ITPR2: variants seen among roughly 807,000 people sequenced by gnomAD.
ITPR2 encodes inositol 1,4,5-trisphosphate-gated calcium channel ITPR2.
Under a neutral mutation model 317.1 loss-of-function variants are expected in ITPR2, and 207 were observed. The observed-to-expected ratio is 0.65, with a 90% CI of 0.58 to 0.73. ITPR2 has a LOEUF of 0.73. ITPR2 is among the 30% of genes least tolerant of loss of function. The probability of loss-of-function intolerance (pLI) is 0.00; values close to 1 mark genes in which losing one functional copy is unlikely to be tolerated. For synonymous variants in ITPR2, 1,156 were observed against 1,149.1 expected (o/e 1.01, Z -0.12); for missense variants, 2,613 against 3,284.0 (o/e 0.80, Z 4.99).
intron 32 of ITPR2, among the ~76,000 whole-genome samples, chr12:26,584,372 G>A (rs1004994060): frequency 6.6e-6 from 1 of 152,104 alleles, no homozygotes; most frequent in Non-Finnish European, 1.5e-5. Flanking sequence ...ACTCTGTCTT[G>A]TTCACCACTG....
chr12:26,601,914 G>C (rs1016917575), intron 28 of ITPR2, among the ~76,000 whole-genome samples: 3 of 152,172 alleles, frequency 2.0e-5, no homozygotes, highest in Admixed American at 1.3e-4. Context: ...TGCCAAAGAT[G>C]CCTAACTGTA....
chr12:26,538,647 G>A (rs887952418), intron 37 of ITPR2, among the ~76,000 whole-genome samples: 6 of 151,876 alleles, frequency 4.0e-5, no homozygotes, highest in Non-Finnish European at 8.8e-5. Flanking sequence ...CATGATCTCA[G>A]CTCACTGCAA....
chr12:26,481,268 TC>T, intron 42 of ITPR2, 27 bp from the exon 43 acceptor site: 1 of 1,283,162 alleles, frequency 7.8e-7, no homozygotes, highest in Non-Finnish European at 1.1e-6. Context: ...TTGTAAAATA[TC>T]ATTTTATTCA....
intron 9 of ITPR2, among the ~76,000 whole-genome samples, chr12:26,697,092 C>A (rs1266178697): frequency 6.6e-6 from 1 of 152,192 alleles, no homozygotes; most frequent in Non-Finnish European, 1.5e-5. Flanking sequence ...CTTAGTTAAA[C>A]CCAGGTGTGT....
intron 49 of ITPR2, chr12:26,421,339 T>A (rs1056985433): frequency 6.6e-6 from 1 of 152,184 alleles, no homozygotes; most frequent in Non-Finnish European, 1.5e-5. Flanking sequence ...TCACTAAGTC[T>A]TGACGTGGAG....
At chr12:26,772,451 T>TATATATATATATA (rs1949868569) in intron 2 of ITPR2, among the ~76,000 whole-genome samples, 2 of 59,608 alleles carry the variant, frequency 3.4e-5, no homozygotes, top group Non-Finnish European at 8.2e-5. Flanking sequence ...TTATATATAT[T>TATATATATATATA]ATATATATAA....
intron 47 of ITPR2, 103 bp from the exon 48 acceptor site, chr12:26,436,449 A>G (rs1284618382): frequency 6.1e-6 from 6 of 983,726 alleles, no homozygotes; most frequent in Non-Finnish European, 8.9e-6. Flanking sequence ...TCATTTTTGT[A>G]AACTATTATA....
chr12:26,634,431 A>G (rs1946820824), intron 21 of ITPR2, among the ~76,000 whole-genome samples: 1 of 152,252 alleles, frequency 6.6e-6, no homozygotes, highest in Non-Finnish European at 1.5e-5. Context: ...TTTCAGTGAA[A>G]AAGCCTACTA....
intron 2 of ITPR2, among the ~76,000 whole-genome samples, chr12:26,770,119 T>C (rs1441843772): frequency 6.6e-6 from 1 of 152,222 alleles, no homozygotes; most frequent in Non-Finnish European, 1.5e-5. Flanking sequence ...ATCATCCTTT[T>C]CTCCAAAAGT....
At position 26,473,216 on chromosome 12, in the gene ITPR2, T is replaced by C. The variant is rs575851574; in HGVS notation, c.6342+2080A>G. Among the ~76,000 whole-genome samples the C allele has an allele frequency of 8.5e-5, 13 of 152,326 alleles. 1 individual carries two copies. Among genetic ancestry groups the C allele is most frequent in the African/African-American group, 3.1e-4 (13 of 41,574 alleles). ...TCCTCTACTTTTATGCTTAGTCTGCTTCAAACTGAAGTTACCTAACATAAG... is the reference window on the plus strand; with the variant it reads ...TCCTCTACTTTTATGCTTAGTCTGCCTCAAACTGAAGTTACCTAACATAAG... On this transcript the variant is annotated intron_variant, in intron 45 of 56. Transcript: ENST00000381340.
chr12:26,633,810 T>G (rs1451399715), intron 21 of ITPR2, among the ~76,000 whole-genome samples: 1 of 152,226 alleles, frequency 6.6e-6, no homozygotes, highest in African/African-American at 2.4e-5. Flanking sequence ...CTCCAAGAGA[T>G]GCTTTCTCAC....
chr12:26,617,762 G>GGGAGGGAA (rs202184086), intron 26 of ITPR2, among the ~76,000 whole-genome samples: 18,381 of 136,290 alleles, frequency 0.13, 1,719 homozygotes, highest in Admixed American at 0.19. Flanking sequence ...GAAGGAGGGA[G>GGGAGGGAA]GGAGGGAAGG....
At chr12:26,504,529 A>T (rs1943143291) in intron 37 of ITPR2, among the ~76,000 whole-genome samples, 1 of 152,238 alleles carries the variant, frequency 6.6e-6, no homozygotes, top group South Asian at 2.1e-4. Flanking sequence ...TAATCAAAGA[A>T]ATGCTAATAA....
chr12:26,703,555 C>T (rs565717115), intron 9 of ITPR2, among the ~76,000 whole-genome samples: 1 of 152,294 alleles, frequency 6.6e-6, no homozygotes, highest in East Asian at 1.9e-4. Context: ...CTAACTGTGA[C>T]AATAAATAGC....
intron 52 of ITPR2, among the ~76,000 whole-genome samples, chr12:26,410,178 T>C (rs754174153): frequency 5.9e-5 from 9 of 152,114 alleles, no homozygotes; most frequent in Non-Finnish European, 1.2e-4. Context: ...AGGATGCAAA[T>C]AGCAGGATTT....
At chr12:26,637,686 T>C (rs1946892990) in intron 21 of ITPR2, among the ~76,000 whole-genome samples, 1 of 152,186 alleles carries the variant, frequency 6.6e-6, no homozygotes. Flanking sequence ...GCTACACCTC[T>C]GAAAAACAAC....
chr12:26,716,335 T>G, intron 5 of ITPR2, 93 bp from the exon 6 acceptor site: 1 of 728,684 alleles, frequency 1.4e-6, no homozygotes, highest in Non-Finnish European at 2.3e-6. Context: ...GTCCCCATTA[T>G]TGATCTGACA....
At chr12:26,468,205 C>T (rs1431570978) in intron 45 of ITPR2, among the ~76,000 whole-genome samples, 1 of 135,650 alleles carries the variant, frequency 7.4e-6, no homozygotes, top group African/African-American at 2.5e-5. Flanking sequence ...GAAGGTAACA[C>T]TAAGATGAAT....
chr12:26,482,920 T>C (rs1942578174), intron 42 of ITPR2, among the ~76,000 whole-genome samples: 1 of 152,252 alleles, frequency 6.6e-6, no homozygotes, highest in African/African-American at 2.4e-5. Flanking sequence ...TATCCAGAAA[T>C]GTTTATGACT....
Sources: allele counts gnomAD v4.1 joint callset (sites outside exome capture counted in the v4.1 genomes callset), GRCh38; gene constraint gnomAD v4.1.1; transcripts MANE v1.5; gene names NCBI Gene and HGNC (gene_info 2026-07-23, HGNC 2026-07-21).